PPP2R2B: variants seen among roughly 807,000 people sequenced by gnomAD.
The protein encoded by PPP2R2B is protein phosphatase 2 regulatory subunit Bbeta.
Under a neutral mutation model 46.0 loss-of-function variants are expected in PPP2R2B, and 5 were observed. That is an observed-to-expected ratio of 0.11 (90% CI 0.06 to 0.23). PPP2R2B has a LOEUF of 0.23. Ranked by LOEUF, PPP2R2B falls within the 10% of genes least tolerant of loss-of-function variation. The probability of loss-of-function intolerance (pLI) is 1.00; values close to 1 mark genes in which losing one functional copy is unlikely to be tolerated. For synonymous variants in PPP2R2B, 215 were observed against 206.7 expected (o/e 1.04, Z -0.34); for missense variants, 367 against 575.0 (o/e 0.64, Z 3.70).
At chr5:146,621,662 G>A (rs573010464) in intron 7 of PPP2R2B, among the ~76,000 whole-genome samples, 3 of 152,272 alleles carry the variant, frequency 2.0e-5, no homozygotes, top group African/African-American at 7.2e-5. Flanking sequence ...GTGGAGAACA[G>A]TCACTGAATT....
At chr5:146,803,118 T>A (rs1023231971) in intron 2 of PPP2R2B, among the ~76,000 whole-genome samples, 1 of 152,238 alleles carries the variant, frequency 6.6e-6, no homozygotes, top group African/African-American at 2.4e-5. Context: ...GTTTATTCCA[T>A]AGAGCGCATG....
At chr5:146,985,874 G>T (rs554467498) in intron 1 of PPP2R2B, among the ~76,000 whole-genome samples, 1 of 151,932 alleles carries the variant, frequency 6.6e-6, no homozygotes, top group East Asian at 1.9e-4. Flanking sequence ...TAAAGTTGTG[G>T]GATACAAAAT....
chr5:146,721,114 G>T (rs1036649631), intron 2 of PPP2R2B, among the ~76,000 whole-genome samples: 2 of 152,192 alleles, frequency 1.3e-5, no homozygotes, highest in African/African-American at 4.8e-5. Flanking sequence ...GCCTGGCTAA[G>T]TTTTCTGAGA....
intron 1 of PPP2R2B, among the ~76,000 whole-genome samples, chr5:146,964,269 ACAGT>A (rs1223460246): frequency 6.6e-6 from 1 of 152,200 alleles, no homozygotes; most frequent in South Asian, 2.1e-4. Flanking sequence ...CATAGATCTG[ACAGT>A]CAAAGAAAAA....
rs1771665441 is a variant in PPP2R2B at position 146,600,399 on chromosome 5, A to G, written c.852T>C (p.Ile284=). 6.2e-7 allele frequency: 1 copy of G among 1,613,866 alleles called. No individual in the cohort carries two copies. Among genetic ancestry groups the G allele is most frequent in the Admixed American group, 1.7e-5 (1 of 59,954 alleles). Residue 284 remains isoleucine, a synonymous_variant, in exon 8 of 10, where the codon ATT becomes ATC. Coordinates refer to ENST00000394411, the MANE Select transcript of PPP2R2B (RefSeq NM_181675.4). The part of the protein sequence containing the change: ...RSFFSEIISS[I]SDVKFSHSGR... ...CACTGTGGCTGAACTTCACATCCGAAATCGAAGAGATAATTTCAGAGAAAA... is the reference window on the plus strand; with the variant it reads ...CACTGTGGCTGAACTTCACATCCGAGATCGAAGAGATAATTTCAGAGAAAA...
chr5:147,064,524 G>A (rs1757361794), intron 2 of PPP2R2B, among the ~76,000 whole-genome samples: 1 of 152,204 alleles, frequency 6.6e-6, no homozygotes, highest in Non-Finnish European at 1.5e-5. Flanking sequence ...CCTGGGCTGT[G>A]ATAATGGACA....
At chr5:146,663,441 T>C (rs1399374012) in intron 5 of PPP2R2B, among the ~76,000 whole-genome samples, 1 of 151,460 alleles carries the variant, frequency 6.6e-6, no homozygotes, top group East Asian at 1.9e-4. Context: ...TAGTAAACCT[T>C]ACTTTAATGA....
intron 1 of PPP2R2B, among the ~76,000 whole-genome samples, chr5:146,947,106 T>G (rs1451278069): frequency 6.6e-6 from 1 of 152,144 alleles, no homozygotes; most frequent in South Asian, 2.1e-4. Context: ...ACTAAACGTT[T>G]AGGGAAAAAT....
At position 146,628,999 on chromosome 5, in the gene PPP2R2B, T is replaced by C. The variant is rs528488133; in HGVS notation, c.790+9252A>G. ...TCCTTTCCCCTACCCCATTGGTAAA[T>C]GTCGGTGTGGCCTTCACCTCATTCC... On this transcript the variant is annotated intron_variant, in intron 7 of 9. Coordinates refer to ENST00000394411, the MANE Select transcript of PPP2R2B (RefSeq NM_181675.4). Among the ~76,000 whole-genome samples, 6 of 152,324 alleles carry C rather than the reference T, an allele frequency of 3.9e-5. No homozygotes were observed. The South Asian group carries it at 1.2e-3, about 32-fold the overall frequency.
At chr5:146,780,337 G>C (rs1190947962) in intron 2 of PPP2R2B, among the ~76,000 whole-genome samples, 1 of 152,138 alleles carries the variant, frequency 6.6e-6, no homozygotes, top group Non-Finnish European at 1.5e-5. Context: ...GGTCAGAAAA[G>C]TAATAATAAA....
chr5:146,802,024 G>C (rs897085412), intron 2 of PPP2R2B, among the ~76,000 whole-genome samples: 4 of 152,076 alleles, frequency 2.6e-5, no homozygotes, highest in African/African-American at 9.7e-5. Context: ...TCCTCGGCTG[G>C]GTCCAAATGA....
chr5:146,821,195 A>C (rs1411311245), intron 2 of PPP2R2B, among the ~76,000 whole-genome samples: 2 of 152,192 alleles, frequency 1.3e-5, no homozygotes, highest in Non-Finnish European at 1.5e-5. Context: ...CAACACGTGC[A>C]CATGCATGTG....
At chr5:146,915,297 C>T (rs1763341568) in intron 1 of PPP2R2B, among the ~76,000 whole-genome samples, 2 of 152,126 alleles carry the variant, frequency 1.3e-5, no homozygotes, top group African/African-American at 4.8e-5. Context: ...CAATGTCTGC[C>T]ACTTGGATTC....
intron 2 of PPP2R2B, among the ~76,000 whole-genome samples, chr5:146,713,676 T>C (rs190754897): frequency 3.9e-5 from 6 of 152,252 alleles, no homozygotes; most frequent in African/African-American, 1.4e-4. Flanking sequence ...CTGGATGATA[T>C]TGAAAGTTGA....
intron 2 of PPP2R2B, among the ~76,000 whole-genome samples, chr5:146,755,276 G>A (rs1202583351): frequency 1.3e-5 from 2 of 152,102 alleles, no homozygotes; most frequent in East Asian, 1.9e-4. Context: ...GCACTAAAAG[G>A]GAAGAAATAC....
At chr5:146,856,498 C>G in intron 2 of PPP2R2B, 1 of 1,579,270 alleles carries the variant, frequency 6.3e-7, no homozygotes, top group Non-Finnish European at 8.7e-7. Context: ...AATACGAATA[C>G]CTTTATTTCC....
At chr5:146,592,143 A>T in intron 9 of PPP2R2B, 1 of 447,568 alleles carries the variant, frequency 2.2e-6, no homozygotes, top group Non-Finnish European at 4.5e-6. Context: ...GTCCTATACC[A>T]ACTGGTCAGT....
Position 146,878,687 on chromosome 5 carries a change from G to A in PPP2R2B, c.-221C>T. On this transcript the variant is annotated 5_prime_UTR_variant, in exon 1 of 10. Transcript: ENST00000394411. The surrounding 1 kb of genome is among the most constrained non-coding windows in gnomAD (Gnocchi z 4.5). ...AGCTGGGCAGGGCGCTGCAGCCGGC[G>A]CCAGCGCACTCACCCTCACACCCAC... The A allele has an allele frequency of 7.8e-7, 1 of 1,286,932 alleles. No homozygotes were observed. The highest frequency in any genetic ancestry group is 1.0e-6 in the Non-Finnish European group (1 of 989,408). 79.7% of individuals were successfully genotyped at this position (1,286,932 alleles called of 1,614,324 possible).
chr5:146,588,954 G>GAGAA lies in PPP2R2B; in HGVS notation c.*989_*992dup, dbSNP rs1770322243. The GAGAA allele has an allele frequency of 6.6e-6, 1 of 152,196 alleles. No individual in the cohort carries two copies. Among genetic ancestry groups the GAGAA allele is most frequent in the Non-Finnish European group, 1.5e-5 (1 of 68,064 alleles). 9.4% of individuals were successfully genotyped at this position (152,196 alleles called of 1,614,324 possible). A position where few individuals can be genotyped will look rare whatever the true frequency, so the allele number is the denominator to read the frequency against. ...AGGAGGAGGGGAGGGTGCTGCTTAG[G>GAGAA]AGAAACACCCAAAAAGAACAGACCA... On this transcript the variant is annotated 3_prime_UTR_variant, in exon 10 of 10. Coordinates refer to ENST00000394411, the MANE Select transcript of PPP2R2B (RefSeq NM_181675.4).
Sources: allele counts gnomAD v4.1 joint callset (sites outside exome capture counted in the v4.1 genomes callset), GRCh38; gene constraint gnomAD v4.1.1; non-coding constraint Gnocchi (gnomAD v3.1); transcripts MANE v1.5; gene names NCBI Gene and HGNC (gene_info 2026-07-23, HGNC 2026-07-21).